MTCH2: variants seen among roughly 807,000 people sequenced by gnomAD.
MTCH2 encodes the protein mitochondrial carrier homolog 2.
Under a neutral mutation model 50.6 loss-of-function variants are expected in MTCH2, and 25 were observed. The observed-to-expected ratio is 0.49, with a 90% CI of 0.36 to 0.69. The LOEUF (loss-of-function observed/expected upper bound fraction) is 0.69. Among genes scored for constraint, MTCH2 ranks in the 30% least tolerant of loss-of-function variants. The pLI is 0.00. For synonymous variants in MTCH2, 106 were observed against 132.0 expected (o/e 0.80, Z 1.35); for missense variants, 273 against 384.4 (o/e 0.71, Z 2.42).
At chr11:47,611,321 CTGT>C in the MTCH2 span, among the ~76,000 whole-genome samples, 1 of 152,234 alleles carries the variant, frequency 6.6e-6, no homozygotes, top group Non-Finnish European at 1.5e-5. Flanking sequence ...AGGCATGGTT[CTGT>C]TGTTTCCATC....
At chr11:47,641,311 G>T (rs895080319) in intron 1 of MTCH2, among the ~76,000 whole-genome samples, 9 of 152,190 alleles carry the variant, frequency 5.9e-5, no homozygotes, top group Non-Finnish European at 1.3e-4. Flanking sequence ...TAAGTACAAA[G>T]AATTTATTTG....
chr11:47,605,803 G>A, the MTCH2 span, among the ~76,000 whole-genome samples: 1 of 152,150 alleles, frequency 6.6e-6, no homozygotes, highest in Non-Finnish European at 1.5e-5. Context: ...ACTATGTATG[G>A]CCCAAGGAAT....
At chr11:47,620,434 C>T (rs2097292286) in intron 12 of MTCH2, among the ~76,000 whole-genome samples, 1 of 151,890 alleles carries the variant, frequency 6.6e-6, no homozygotes. Flanking sequence ...TGAGCCAATA[C>T]CATGCCACTG....
the MTCH2 span, among the ~76,000 whole-genome samples, chr11:47,609,662 GA>G: frequency 6.9e-6 from 1 of 144,978 alleles, no homozygotes; most frequent in Non-Finnish European, 1.5e-5. Flanking sequence ...GAAAAGAGAA[GA>G]AAAGAAATCT....
chr11:47,630,910 T>A, intron 7 of MTCH2, 126 bp downstream of exon 7: 2 of 853,924 alleles, frequency 2.3e-6, no homozygotes, highest in South Asian at 1.7e-5. Flanking sequence ...TTTGTGCAGA[T>A]CAAATGACAT....
At chr11:47,633,520 A>ATATATATATATATATATATATATATATT (rs2097305320) in intron 5 of MTCH2, among the ~76,000 whole-genome samples, 1 of 19,780 alleles carries the variant, frequency 5.1e-5, no homozygotes, top group Non-Finnish European at 1.1e-4. Context: ...ATATATATAT[A>ATATATATATATATATATATATATATATT]TATATATTTT....
At chr11:47,641,146 G>A (rs2097313814) in intron 1 of MTCH2, among the ~76,000 whole-genome samples, 1 of 151,884 alleles carries the variant, frequency 6.6e-6, no homozygotes, top group South Asian at 2.1e-4. Context: ...CGCTCACCTC[G>A]GCCTCCCAAA....
chr11:47,618,989 G>A (rs2153798081), intron 12 of MTCH2, 70 bp from the exon 13 acceptor site: 4 of 1,392,676 alleles, frequency 2.9e-6, no homozygotes, highest in South Asian at 1.2e-5. Context: ...CAAATCAGCA[G>A]AGAGGTCCAA....
At chr11:47,638,934 T>C (rs767904144) in intron 2 of MTCH2, 33 bp downstream of exon 2, 16 of 1,593,398 alleles carry the variant, frequency 1.0e-5, no homozygotes, top group Non-Finnish European at 1.4e-5. Flanking sequence ...GTCCTCAACG[T>C]CATGCAAACC....
intron 5 of MTCH2, 30 bp from the exon 6 acceptor site, chr11:47,631,741 T>G: frequency 6.2e-7 from 1 of 1,612,742 alleles, no homozygotes. Flanking sequence ...ACTTCTGAAA[T>G]CTAAACAAAT....
intron 10 of MTCH2, among the ~76,000 whole-genome samples, chr11:47,626,614 A>G (rs2097298410): frequency 6.6e-6 from 1 of 151,660 alleles, no homozygotes; most frequent in African/African-American, 2.4e-5. Context: ...AAACTGAGTT[A>G]TTCTCTCTTT....
At chr11:47,633,526 A>ATTTTTTTTTTTTTTTTTTTT (rs869251946) in intron 5 of MTCH2, among the ~76,000 whole-genome samples, 1 of 35,078 alleles carries the variant, frequency 2.9e-5, no homozygotes, top group African/African-American at 8.3e-5. Flanking sequence ...ATATATATAT[A>ATTTTTTTTTTTTTTTTTTTT]TTTTTTTTTT....
At chr11:47,634,772 T>G (rs775215804) in intron 4 of MTCH2, 38 bp from the exon 5 acceptor site, 28 of 1,152,168 alleles carry the variant, frequency 2.4e-5, no homozygotes, top group Middle Eastern at 2.2e-4. Context: ...GATCTTGATT[T>G]TTTTTTTTTT....
the MTCH2 span, among the ~76,000 whole-genome samples, chr11:47,605,550 G>A: frequency 6.6e-6 from 1 of 152,134 alleles, no homozygotes; most frequent in Non-Finnish European, 1.5e-5. Flanking sequence ...CATCCCAACA[G>A]TGGTGCCTTC....
chr11:47,634,811 C>T lies in MTCH2; in HGVS notation c.307-77G>A, dbSNP rs575495521. 9 of 1,026,308 alleles carry T rather than the reference C, an allele frequency of 8.8e-6. No individual in the cohort carries two copies. In the Admixed American group the frequency reaches 1.4e-4, roughly 15 times the overall value. The allele number at this position is 1,026,308 out of a possible 1,614,324, so 63.6% of individuals were successfully genotyped here. On this transcript the variant is annotated intron_variant, in intron 4 of 12. Coordinates refer to ENST00000302503, the MANE Select transcript of MTCH2 (RefSeq NM_014342.4). ...TTTTTGAGACAGAGTCTCGCTCTGTCGCCCAGGCTGGAGTGCAGTGGCACA... is the reference window on the plus strand; with the variant it reads ...TTTTTGAGACAGAGTCTCGCTCTGTTGCCCAGGCTGGAGTGCAGTGGCACA...
At position 47,622,796 on chromosome 11, in the gene MTCH2, G is replaced by A. The variant is rs867819285; in HGVS notation, c.750-20C>T. 1 of 1,130,332 alleles carries A rather than the reference G, an allele frequency of 8.8e-7. No homozygotes were observed. Among genetic ancestry groups the A allele is most frequent in the South Asian group, 3.3e-5 (1 of 30,666 alleles). The allele number at this position is 1,130,332 out of a possible 1,614,324, so 70.0% of individuals were successfully genotyped here. The stretch of plus-strand genomic sequence containing the variant: ...GCAAGACTAAAATAGAAAAAAACAT[G>A]GAGCTATTCATGTTAATATTAACCA... On this transcript the variant is annotated intron_variant, in intron 11 of 12. Transcript: ENST00000302503.
intron 12 of MTCH2, among the ~76,000 whole-genome samples, chr11:47,622,287 C>CCTAGAGTCT (rs1183857535): frequency 1.3e-5 from 2 of 152,118 alleles, no homozygotes; most frequent in Admixed American, 1.3e-4. Flanking sequence ...ACTAACAAGA[C>CCTAGAGTCT]TCTAGAAGTA....
At chr11:47,610,576 G>A in the MTCH2 span, among the ~76,000 whole-genome samples, 16 of 152,128 alleles carry the variant, frequency 1.1e-4, no homozygotes, top group African/African-American at 3.1e-4. Flanking sequence ...GTGATGGCAC[G>A]TGCCTGTAAT....
At chr11:47,635,597 T>G (rs1291914245) in intron 3 of MTCH2, 26 bp from the exon 4 acceptor site, 6 of 1,602,262 alleles carry the variant, frequency 3.7e-6, no homozygotes, top group Middle Eastern at 1.6e-4. Flanking sequence ...AAAAGGATGA[T>G]TAGGGTTATT....
Sources: allele counts gnomAD v4.1 joint callset (sites outside exome capture counted in the v4.1 genomes callset), GRCh38; gene constraint gnomAD v4.1.1; transcripts MANE v1.5; gene names NCBI Gene and HGNC (gene_info 2026-07-23, HGNC 2026-07-21).